The following CCT2 variants were observed in gnomAD, a reference collection of about 807,000 sequenced individuals.
CCT2 encodes chaperonin containing TCP1 subunit 2, also known as T-complex protein 1 subunit beta.
In CCT2, 18 loss-of-function variants were observed where a neutral mutation model predicts 61.8. The observed-to-expected ratio is 0.29, with a 90% CI of 0.20 to 0.43. CCT2 has a LOEUF of 0.43. CCT2 is among the 20% of genes least tolerant of loss of function. The probability of loss-of-function intolerance (pLI) is 1.00; values close to 1 mark genes in which losing one functional copy is unlikely to be tolerated. For missense variants in CCT2, 556 were observed against 656.9 expected (o/e 0.85, Z 1.68); for synonymous variants, 248 against 215.9 (o/e 1.15, Z -1.30).
rs997050055 is a variant in CCT2 at position 69,587,258 on chromosome 12, C to T, written c.145-247C>T. On this transcript the variant is annotated intron_variant, in intron 3 of 15. Coordinates refer to ENST00000299300, the MANE Select transcript of CCT2 (RefSeq NM_006431.3). The stretch of plus-strand genomic sequence containing the variant: ...TTAATTATGGCTGTATTGATAGTTT[C>T]TTTCCATTGTTTTTGCAGTTACGGT... The T allele has an allele frequency of 2.2e-5, 9 of 415,916 alleles. No individual in the cohort carries two copies. In the East Asian group the frequency reaches 2.2e-4, roughly 10 times the overall value. The allele number at this position is 415,916 out of a possible 1,614,324, so 25.8% of individuals were successfully genotyped here.
At chr12:69,600,122 G>A (rs1411618714) in intron 15 of CCT2, 118 bp downstream of exon 15, 5 of 965,548 alleles carry the variant, frequency 5.2e-6, no homozygotes, top group African/African-American at 3.3e-5. Context: ...ATAAAAGTAT[G>A]TAAGTTATTT....
In CCT2 at chr12:69,588,001, T is replaced by C; in HGVS notation, c.328T>C (p.Leu110=). The part of the protein sequence containing the change: ...TSVTVLAAEL[L]REAESLIAKK... The stretch of plus-strand genomic sequence containing the variant: ...TGTTACCGTTTTAGCAGCAGAATTA[T>C]TAAGGGTAAGAGCAACTAAGCAACT... Residue 110 remains leucine (L), a synonymous_variant, in exon 5 of 16, where the codon TTA becomes CTA. Transcript: ENST00000299300. 2 of 1,613,118 alleles carry C rather than the reference T, an allele frequency of 1.2e-6. No homozygotes were observed. Among genetic ancestry groups the C allele is most frequent in the Non-Finnish European group, 1.7e-6 (2 of 1,179,076 alleles).
intron 7 of CCT2, among the ~76,000 whole-genome samples, chr12:69,591,248 C>G (rs1178617445): frequency 6.6e-6 from 1 of 151,708 alleles, no homozygotes; most frequent in African/African-American, 2.4e-5. Context: ...CTAATGTAAC[C>G]AAAAAAAGGC....
At chr12:69,588,121 T>C in intron 5 of CCT2, 29 bp from the exon 6 acceptor site, 8 of 1,580,160 alleles carry the variant, frequency 5.1e-6, no homozygotes, top group Non-Finnish European at 6.9e-6. Flanking sequence ...TTTCTATTTA[T>C]AACTTTTGTT....
At chr12:69,586,622 C>G (rs1433603246) in intron 2 of CCT2, 131 bp from the exon 3 acceptor site, 6 of 702,032 alleles carry the variant, frequency 8.5e-6, no homozygotes, top group South Asian at 3.7e-5. Context: ...GAGCTGAGAT[C>G]GCGCCATTGC....
intron 7 of CCT2, among the ~76,000 whole-genome samples, chr12:69,591,141 T>C (rs983260683): frequency 2.0e-5 from 3 of 152,228 alleles, no homozygotes; most frequent in African/African-American, 7.2e-5. Context: ...ATAGGAACTT[T>C]AGTCATTTAG....
intron 3 of CCT2, among the ~76,000 whole-genome samples, 199 bp from the exon 4 acceptor site, chr12:69,587,306 A>G (rs540974199): frequency 4.6e-5 from 7 of 152,232 alleles, no homozygotes; most frequent in African/African-American, 1.7e-4. Flanking sequence ...ACTAGTGTCT[A>G]CCTGTGCTTC....
intron 13 of CCT2, 42 bp from the exon 14 acceptor site, chr12:69,598,280 T>TAC (rs777954589): frequency 7.3e-7 from 1 of 1,372,472 alleles, no homozygotes; most frequent in Non-Finnish European, 1.0e-6. Flanking sequence ...CAGTGGTTCT[T>TAC]ACAGTAGAGT....
intron 7 of CCT2, among the ~76,000 whole-genome samples, chr12:69,590,799 C>T (rs1324275094): frequency 6.6e-6 from 1 of 150,886 alleles, no homozygotes; most frequent in African/African-American, 2.4e-5. Context: ...TCACTGCAAC[C>T]ACTGCCTCCT....
At chr12:69,592,193 C>A in intron 8 of CCT2, 34 bp downstream of exon 8, 1 of 1,262,780 alleles carries the variant, frequency 7.9e-7, no homozygotes, top group Non-Finnish European at 1.1e-6. Flanking sequence ...ATTAAAATTA[C>A]TGCCCAGGCA....
chr12:69,596,671 T>A (rs710768), intron 10 of CCT2, among the ~76,000 whole-genome samples: 108,595 of 152,126 alleles, frequency 0.71, 39,130 homozygotes, highest in East Asian at 0.91. Flanking sequence ...AGTGGTTGAC[T>A]TATAGGACAA....
intron 3 of CCT2, 34 bp downstream of exon 3, chr12:69,586,852 T>G (rs548405958): frequency 1.5e-6 from 2 of 1,340,708 alleles, no homozygotes; most frequent in East Asian, 2.3e-5. Context: ...TATTTTAATA[T>G]TGTTTTAGAG....
chr12:69,586,163 A>G (rs1241880692), intron 1 of CCT2, 107 bp from the exon 2 acceptor site: 1 of 1,147,288 alleles, frequency 8.7e-7, no homozygotes, highest in Non-Finnish European at 1.3e-6. Context: ...ATTGTTGTAA[A>G]TGAGTTTTCT....
chr12:69,588,285 G>A (rs1183551496), intron 6 of CCT2, 23 bp downstream of exon 6: 4 of 1,476,116 alleles, frequency 2.7e-6, no homozygotes, highest in Non-Finnish European at 3.8e-6. Flanking sequence ...AAGTACTACT[G>A]TTCTAAACAT....
chr12:69,589,129 T>C, intron 6 of CCT2: 2 of 228,426 alleles, frequency 8.8e-6, no homozygotes, highest in South Asian at 6.1e-5. Flanking sequence ...GGTTTCACCA[T>C]GTTGCTCAGG....
At chr12:69,600,248 C>G (rs564814488) in intron 15 of CCT2, among the ~76,000 whole-genome samples, 5 of 152,136 alleles carry the variant, frequency 3.3e-5, no homozygotes, top group Non-Finnish European at 7.4e-5. Flanking sequence ...TTGGAAAGGT[C>G]AAGTACTGAG....
At chr12:69,592,197 C>A (rs754329687) in intron 8 of CCT2, 38 bp downstream of exon 8, 2 of 1,211,122 alleles carry the variant, frequency 1.7e-6, no homozygotes, top group Non-Finnish European at 2.4e-6. Context: ...AAATTACTGC[C>A]CAGGCAGAGT....
chr12:69,597,082 T>A, intron 10 of CCT2, 74 bp from the exon 11 acceptor site: 1 of 1,371,926 alleles, frequency 7.3e-7, no homozygotes, highest in Non-Finnish European at 1.0e-6. Flanking sequence ...TCATTATCTA[T>A]CCATTACTGC....
chr12:69,585,774 C>G, intron 1 of CCT2: 1 of 1,400,358 alleles, frequency 7.1e-7, no homozygotes, highest in East Asian at 2.6e-5. Flanking sequence ...CCCGGCAGCC[C>G]AGGTCCGCGC....
Sources: allele counts gnomAD v4.1 joint callset (sites outside exome capture counted in the v4.1 genomes callset), GRCh38; gene constraint gnomAD v4.1.1; transcripts MANE v1.5; gene names NCBI Gene and HGNC (gene_info 2026-07-23, HGNC 2026-07-21).